Variants in TNPO2 observed in about 807,000 individuals in gnomAD.
TNPO2 encodes transportin-2.
A neutral mutation model predicts 111.1 loss-of-function variants in TNPO2; 16 were observed. That is an observed-to-expected ratio of 0.14 (90% CI 0.10 to 0.22). The LOEUF (loss-of-function observed/expected upper bound fraction) is 0.22, where lower values mean the gene tolerates loss of function less well. TNPO2 is among the 10% of genes least tolerant of loss of function. TNPO2 has a pLI of 1.00. For synonymous variants in TNPO2, 481 were observed against 475.8 expected (o/e 1.01, Z -0.14); for missense variants, 530 against 1,173.7 (o/e 0.45, Z 8.01).
chr19:12,706,262 G>A lies in TNPO2; in HGVS notation c.1602C>T (p.Asn534=). 1 of 1,614,054 alleles carries A rather than the reference G, an allele frequency of 6.2e-7. No individual in the cohort carries two copies. Among genetic ancestry groups the A allele is most frequent in the Non-Finnish European group, 8.5e-7 (1 of 1,179,892 alleles). ...VFAFGKYQHK[N]LLILYDAIGT... ...CAATGGCGTCATAGAGGATGAGCAGGTTCTTGTGCTGGTATTTCCCAAAGG... is the reference window on the plus strand; with the variant it reads ...CAATGGCGTCATAGAGGATGAGCAGATTCTTGTGCTGGTATTTCCCAAAGG... The change falls in exon 15 of 26, where the codon AAC becomes AAT. Residue 534 remains asparagine (N), a synonymous_variant. Coordinates refer to ENST00000425528, the MANE Select transcript of TNPO2 (RefSeq NM_001382241.1). The surrounding 1 kb of genome is among the most constrained non-coding windows in gnomAD (Gnocchi z 7.0).
At chr19:12,703,024 G>T in intron 20 of TNPO2, 106 bp from the exon 21 acceptor site, 1 of 951,120 alleles carries the variant, frequency 1.1e-6, no homozygotes, top group Non-Finnish European at 1.6e-6. Flanking sequence ...CTAGAGACTG[G>T]CCAACCACTA....
Position 12,702,833 on chromosome 19 carries a change from C to T in TNPO2, c.2295G>A (p.Leu765=). 6.2e-7 allele frequency: 1 copy of T among 1,613,882 alleles called. No homozygotes were observed. Among genetic ancestry groups the T allele is most frequent in the Non-Finnish European group, 8.5e-7 (1 of 1,179,796 alleles). Reference sequence around the variant, plus strand: ...GGGCCAGGTGCCCACCTGTGTTTTCCAGCAGTGTCTTGGGTGTGTTGGGTC... The same window carrying T: ...GGGCCAGGTGCCCACCTGTGTTTTCTAGCAGTGTCTTGGGTGTGTTGGGTC... ...INRPNTPKTL[L]ENTGRLTSPS... is the part of the protein sequence containing the mutation. Residue 765 remains leucine, a synonymous_variant, in exon 21 of 26, where the codon CTG becomes CTA. Coordinates refer to ENST00000425528, the MANE Select transcript of TNPO2 (RefSeq NM_001382241.1). This position sits in a 1 kb window ranked among gnomAD's most constrained non-coding sequence, Gnocchi z 5.5.
At chr19:12,707,480 T>TG (rs2025759947) in intron 13 of TNPO2, among the ~76,000 whole-genome samples, 2 of 41,410 alleles carry the variant, frequency 4.8e-5, no homozygotes, top group Non-Finnish European at 9.9e-5. Context: ...GTGAGTTTTC[T>TG]TTTTTTTTTT....
rs760066811 is a variant in TNPO2, at chr19:12,720,848, C to T, written c.99+31G>A. 7.7e-6 allele frequency: 12 copies of T among 1,560,994 alleles called. No homozygotes were observed. In the East Asian group the frequency reaches 2.9e-4, roughly 37 times the overall value. On this transcript the variant is annotated intron_variant, in intron 3 of 25. Transcript: ENST00000425528. ...TTGGAAACTGCACGCATCTACCCGG[C>T]TCCCCCAGCCCCGGAAGGAAGGAAG...
In TNPO2 at chr19:12,702,474, A is replaced by T. The variant is rs2025380653; in HGVS notation, c.2306-297T>A. 1.7e-6 allele frequency: 1 copy of T among 578,976 alleles called. No individual in the cohort carries two copies. The highest frequency in any genetic ancestry group is 3.1e-6 in the Non-Finnish European group (1 of 318,198). The allele number at this position is 578,976 out of a possible 1,614,324, so 35.9% of individuals were successfully genotyped here. On this transcript the variant is annotated intron_variant, in intron 21 of 25. Transcript: ENST00000425528. The surrounding 1 kb of genome is among the most constrained non-coding windows in gnomAD (Gnocchi z 5.5). ...CAGTGGCATGATCTTGGCTCATTGC[A>T]ACCTGCCTCAGCCTCCCGAGTAGCT...
chr19:12,707,478 T>A (rs2025757155), intron 13 of TNPO2, among the ~76,000 whole-genome samples: 1 of 133,816 alleles, frequency 7.5e-6, no homozygotes, highest in South Asian at 2.2e-4. Context: ...TTGTGAGTTT[T>A]CTTTTTTTTT....
rs2025990191 is a variant in TNPO2, at chr19:12,710,751, C to T, written c.1140G>A (p.Leu380=). ...WNLRKCSAAA[L]DVLANVFREE... is the part of the protein sequence containing the mutation. The stretch of plus-strand genomic sequence containing the variant: ...CCCGGAAGACATTGGCGAGGACGTC[C>T]AGTGCAGCCGCTGAGCACTTCCCTG... Residue 380 remains leucine, a synonymous_variant, in exon 13 of 26, where the codon CTG becomes CTA. Transcript: ENST00000425528. The T allele has an allele frequency of 6.2e-7, 1 of 1,612,412 alleles. No individual in the cohort carries two copies. Among genetic ancestry groups the T allele is most frequent in the African/African-American group, 1.3e-5 (1 of 74,986 alleles).
intron 10 of TNPO2, 119 bp from the exon 11 acceptor site, chr19:12,711,732 C>T (rs1307748936): frequency 1.5e-5 from 12 of 781,402 alleles, no homozygotes; most frequent in African/African-American, 1.7e-5. Flanking sequence ...CAATCAGCCA[C>T]AGAGCAGACC....
chr19:12,709,374 A>C (rs1161323611), intron 13 of TNPO2, among the ~76,000 whole-genome samples: 4 of 152,158 alleles, frequency 2.6e-5, no homozygotes, highest in Non-Finnish European at 5.9e-5. Context: ...TAAATAAATA[A>C]ATAACACAGC....
At chr19:12,712,972 T>C (rs4804729) in intron 10 of TNPO2, among the ~76,000 whole-genome samples, 136,726 of 152,184 alleles carry the variant, frequency 0.9, 61,845 homozygotes, top group Middle Eastern at 0.96. Flanking sequence ...CACAGCCTCA[T>C]GCTCCTGGGC....
chr19:12,707,734 C>T (rs1053023102), intron 13 of TNPO2, among the ~76,000 whole-genome samples: 1 of 151,974 alleles, frequency 6.6e-6, no homozygotes, highest in Admixed American at 6.6e-5. Flanking sequence ...CGTGATCCCA[C>T]CTCAGCCTCC....
chr19:12,722,776 T>C (rs1967090337), intron 2 of TNPO2, among the ~76,000 whole-genome samples: 1 of 151,958 alleles, frequency 6.6e-6, no homozygotes, highest in Non-Finnish European at 1.5e-5. Flanking sequence ...TTGGCCTCTC[T>C]AGCCAGCCGG....
intron 2 of TNPO2, chr19:12,722,231 C>T (rs1967021833): frequency 6.6e-6 from 1 of 151,964 alleles, no homozygotes; most frequent in African/African-American, 2.4e-5. Context: ...TCCCACTGGC[C>T]CTCTTCTTGA....
rs1568332978 is a variant in TNPO2, at chr19:12,706,072, GGTCT to G, written c.1668+120_1668+123del. On this transcript the variant is annotated intron_variant, in intron 15 of 25. Coordinates refer to ENST00000425528, the MANE Select transcript of TNPO2 (RefSeq NM_001382241.1). This position sits in a 1 kb window ranked among gnomAD's most constrained non-coding sequence, Gnocchi z 7.0. ...TGGGAGCAGGGCGAGGGCGGGGCCG[GGTCT>G]GTCTGTCTGCCTGTCGAGGTCACGG... is the stretch of plus-strand genomic sequence containing the variant. 6 of 1,110,906 alleles carry G rather than the reference GGTCT, an allele frequency of 5.4e-6. No individual in the cohort carries two copies. The highest frequency in any genetic ancestry group is 7.6e-6 in the Non-Finnish European group (6 of 785,298). The allele number at this position is 1,110,906 out of a possible 1,614,324, so 68.8% of individuals were successfully genotyped here.
In TNPO2 at chr19:12,719,343, G is replaced by C; in HGVS notation, c.100-7C>G. 1.9e-6 allele frequency: 3 copies of C among 1,613,530 alleles called. No homozygotes were observed. The highest frequency in any genetic ancestry group is 2.5e-6 in the Non-Finnish European group (3 of 1,179,576). Reference sequence around the variant, plus strand: ...GATTGAGTTGTTTGAGTTTCTGCCAGGCTGTTAAGGGACTTGGAAGACAGA... The same window carrying C: ...GATTGAGTTGTTTGAGTTTCTGCCACGCTGTTAAGGGACTTGGAAGACAGA... On this transcript the variant is annotated splice_region_variant and splice_polypyrimidine_tract_variant and intron_variant, in intron 3 of 25. Transcript: ENST00000425528. The surrounding 1 kb of genome is among the most constrained non-coding windows in gnomAD (Gnocchi z 5.0).
At position 12,711,533 on chromosome 19, in the gene TNPO2, C is replaced by G. The variant is rs772524693; in HGVS notation, c.951+20G>C. The G allele has an allele frequency of 1.9e-6, 3 of 1,612,584 alleles. No individual in the cohort carries two copies. Among genetic ancestry groups the G allele is most frequent in the Middle Eastern group, 1.6e-4 (1 of 6,080 alleles). On this transcript the variant is annotated intron_variant, in intron 11 of 25. Transcript: ENST00000425528. Reference sequence around the variant, plus strand: ...ACACCCACGCCCATGCCCACCCATGCTGGGTGGGCCCTGCCTGACCTTGAG... The same window carrying G: ...ACACCCACGCCCATGCCCACCCATGGTGGGTGGGCCCTGCCTGACCTTGAG...
Position 12,701,797 on chromosome 19 carries a change from G to T in TNPO2, c.2466C>A (p.Arg822=), listed in dbSNP as rs749288570. The part of the protein sequence containing the change: ...RDNEEKDSAF[R]GICMMIGVNP... ...TGACACCGATCATCATGCAGATGCCGCGGAAGGCTGAGTCCTTCTCCTCGT... is the reference window on the plus strand; with the variant it reads ...TGACACCGATCATCATGCAGATGCCTCGGAAGGCTGAGTCCTTCTCCTCGT... The change falls in exon 23 of 26, where the codon CGC becomes CGA. Residue 822 remains arginine (R), a synonymous_variant. Coordinates refer to ENST00000425528, the MANE Select transcript of TNPO2 (RefSeq NM_001382241.1). This position sits in a 1 kb window ranked among gnomAD's most constrained non-coding sequence, Gnocchi z 5.0. The T allele has an allele frequency of 6.2e-7, 1 of 1,613,832 alleles. No individual in the cohort carries two copies. Among genetic ancestry groups the T allele is most frequent in the Non-Finnish European group, 8.5e-7 (1 of 1,179,864 alleles).
intron 5 of TNPO2, among the ~76,000 whole-genome samples, chr19:12,716,887 C>T (rs929655948): frequency 6.6e-5 from 10 of 151,822 alleles, no homozygotes; most frequent in African/African-American, 2.4e-4. Flanking sequence ...AAAGGCCTGG[C>T]GTAAGGACAG....
chr19:12,717,473 T>C (rs879311892), intron 5 of TNPO2, among the ~76,000 whole-genome samples: 1 of 151,878 alleles, frequency 6.6e-6, no homozygotes, highest in African/African-American at 2.4e-5. Flanking sequence ...AGTTTCACCA[T>C]GTTGGCCAGG....
Sources: gnomAD v4.1 joint callset for allele counts (sites outside exome capture counted in the v4.1 genomes callset) on GRCh38, gnomAD v4.1.1 for gene constraint, Gnocchi (gnomAD v3.1) non-coding constraint, MANE v1.5 for transcripts, NCBI Gene and HGNC (gene_info 2026-07-23, HGNC 2026-07-21) for gene names.